PSMD13: variants seen among roughly 807,000 people sequenced by gnomAD.
The protein encoded by PSMD13 is proteasome 26S subunit, non-ATPase 13.
In PSMD13, 8 loss-of-function variants were observed where a neutral mutation model predicts 57.4. The ratio of observed to expected loss-of-function variants is 0.14; its 90% CI spans 0.08 to 0.25. The LOEUF (loss-of-function observed/expected upper bound fraction) is 0.25. Ranked by LOEUF, PSMD13 falls within the 10% of genes least tolerant of loss-of-function variation. The probability of loss-of-function intolerance (pLI) is 1.00; values close to 1 mark genes in which losing one functional copy is unlikely to be tolerated. For missense variants in PSMD13, 400 were observed against 461.5 expected, an observed-to-expected ratio of 0.87 and a Z score of 1.22; for synonymous variants, 193 against 168.2, an observed-to-expected ratio of 1.15 and a Z score of -1.14.
intron 2 of PSMD13, 142 bp downstream of exon 2, chr11:239,218 C>T (rs1859464447): frequency 1.3e-6 from 1 of 771,104 alleles, no homozygotes; most frequent in South Asian, 1.5e-5. Flanking sequence ...GAGCGCTTCA[C>T]ATATCCTTCA....
chr11:248,036 C>T (rs6598058), intron 7 of PSMD13: 75,546 of 151,784 alleles, frequency 0.5, 23,526 homozygotes, highest in East Asian at 0.99. Flanking sequence ...TTGTAGGAAG[C>T]ACCATGACGC....
chr11:252,301 A>G lies in PSMD13; in HGVS notation c.1036-204A>G. ...CCTCTGTCCTTGTCTGCTTTCTTTCATGCAAGTTTTTTCTAACGTTCCTGT... is the reference window on the plus strand; with the variant it reads ...CCTCTGTCCTTGTCTGCTTTCTTTCGTGCAAGTTTTTTCTAACGTTCCTGT... On this transcript the variant is annotated intron_variant, in intron 12 of 12. Coordinates refer to ENST00000532097, the MANE Select transcript of PSMD13 (RefSeq NM_002817.4). The surrounding 1 kb of genome is among the most constrained non-coding windows in gnomAD (Gnocchi z 4.1). 1 of 562,288 alleles carries G rather than the reference A, an allele frequency of 1.8e-6. No homozygotes were observed. The highest frequency in any genetic ancestry group is 3.2e-6 in the Non-Finnish European group (1 of 313,422). 34.8% of individuals were successfully genotyped at this position (562,288 alleles called of 1,614,324 possible). A position where few individuals can be genotyped will look rare whatever the true frequency, so the allele number is the denominator to read the frequency against.
chr11:238,661 ACT>A (rs1859446090), intron 1 of PSMD13, among the ~76,000 whole-genome samples: 1 of 152,112 alleles, frequency 6.6e-6, no homozygotes, highest in African/African-American at 2.4e-5. Context: ...ACAGAGTCAG[ACT>A]CTGTCTCAAA....
intron 2 of PSMD13, among the ~76,000 whole-genome samples, chr11:241,732 TCATTA>T (rs1859520492): frequency 1.3e-5 from 2 of 152,308 alleles, no homozygotes; most frequent in South Asian, 4.1e-4. Context: ...TCATCCATCC[TCATTA>T]CGGTTGCTCC....
chr11:248,372 A>G (rs1471820649), intron 7 of PSMD13, among the ~76,000 whole-genome samples: 1 of 152,230 alleles, frequency 6.6e-6, no homozygotes, highest in Non-Finnish European at 1.5e-5. Context: ...TCGGAAAAGG[A>G]ACTAAGGTGG....
At chr11:243,603 T>C (rs1181298012) in intron 2 of PSMD13, 1 of 382,360 alleles carries the variant, frequency 2.6e-6, no homozygotes, top group South Asian at 2.2e-5. Flanking sequence ...CAAATAAACC[T>C]GTCCTGGTAG....
rs1242499056 is a variant in PSMD13 at position 252,605 on chromosome 11, C to T, written c.*5C>T. On this transcript the variant is annotated 3_prime_UTR_variant, in exon 13 of 13. Coordinates refer to ENST00000532097, the MANE Select transcript of PSMD13 (RefSeq NM_002817.4). This position sits in a 1 kb window ranked among gnomAD's most constrained non-coding sequence, Gnocchi z 4.1. ...GCCCATGACATCCTCACCTAGGGCC[C>T]CCTGGTTCCCCGTCGTGTCTCCTTT... is the stretch of plus-strand genomic sequence containing the variant. The T allele has an allele frequency of 6.2e-7, 1 of 1,613,704 alleles. No homozygotes were observed. Among genetic ancestry groups the T allele is most frequent in the Non-Finnish European group, 8.5e-7 (1 of 1,179,688 alleles).
At chr11:241,430 ACC>A (rs1321181009) in intron 2 of PSMD13, among the ~76,000 whole-genome samples, 2 of 152,190 alleles carry the variant, frequency 1.3e-5, no homozygotes, top group Non-Finnish European at 2.9e-5. Context: ...GAGCCACAGC[ACC>A]GGGACAAAAA....
Position 252,396 on chromosome 11 carries a change from TAG to T in PSMD13, c.1036-104_1036-103del. On this transcript the variant is annotated intron_variant, in intron 12 of 12. Coordinates refer to ENST00000532097, the MANE Select transcript of PSMD13 (RefSeq NM_002817.4). The surrounding 1 kb of genome is among the most constrained non-coding windows in gnomAD (Gnocchi z 4.1). ...GAGGTCCTTTTTACTAGAGCTGCCC[TAG>T]AGAGTTAGCTGGAGATGTAGAGTCA... The T allele has an allele frequency of 9.9e-7, 1 of 1,006,718 alleles. No individual in the cohort carries two copies. The highest frequency in any genetic ancestry group is 2.4e-5 in the East Asian group (1 of 41,666). 62.4% of individuals were successfully genotyped at this position (1,006,718 alleles called of 1,614,324 possible).
chr11:236,995 C>T lies in PSMD13; in HGVS notation c.-55C>T. The T allele has an allele frequency of 6.9e-6, 10 of 1,457,468 alleles. No homozygotes were observed. The highest frequency in any genetic ancestry group is 1.4e-5 in the African/African-American group (1 of 71,644). 90.3% of individuals were successfully genotyped at this position (1,457,468 alleles called of 1,614,324 possible). A position where few individuals can be genotyped will look rare whatever the true frequency, so the allele number is the denominator to read the frequency against. ...GTGAGTGAGCATTTCCGGCAGCCAT[C>T]CCCGCGGTGCTGACATCCCGGTTGT... On this transcript the variant is annotated 5_prime_UTR_variant, in exon 1 of 13. Coordinates refer to ENST00000532097, the MANE Select transcript of PSMD13 (RefSeq NM_002817.4).
chr11:252,698 G>T lies in PSMD13; in HGVS notation c.*98G>T, dbSNP rs1036846460. ...CTCAGACGGTCGACATTGAATTTGGGTGGGGGTTGGGATCCTGTCTGAAGT... is the reference window on the plus strand; with the variant it reads ...CTCAGACGGTCGACATTGAATTTGGTTGGGGGTTGGGATCCTGTCTGAAGT... On this transcript the variant is annotated 3_prime_UTR_variant, in exon 13 of 13. Coordinates refer to ENST00000532097, the MANE Select transcript of PSMD13 (RefSeq NM_002817.4). This position sits in a 1 kb window ranked among gnomAD's most constrained non-coding sequence, Gnocchi z 4.1. 10 of 1,155,928 alleles carry T rather than the reference G, an allele frequency of 8.7e-6. No individual in the cohort carries two copies. In the African/African-American group the frequency reaches 1.1e-4, roughly 12 times the overall value. 71.6% of individuals were successfully genotyped at this position (1,155,928 alleles called of 1,614,324 possible). A position where few individuals can be genotyped will look rare whatever the true frequency, so the allele number is the denominator to read the frequency against.
intron 6 of PSMD13, 149 bp downstream of exon 6, chr11:244,910 AC>A: frequency 1.9e-6 from 1 of 521,796 alleles, no homozygotes; most frequent in Non-Finnish European, 3.3e-6. Context: ...GAACTACTAT[AC>A]CCCAACCTAA....
intron 1 of PSMD13, among the ~76,000 whole-genome samples, chr11:237,773 T>A (rs577035061): frequency 4.8e-4 from 73 of 152,356 alleles, no homozygotes; most frequent in African/African-American, 1.6e-3. Context: ...TTTAGGTTTG[T>A]TTAGAAACAG....
At chr11:244,554 A>G (rs1859591874) in intron 5 of PSMD13, 85 bp downstream of exon 5, 1 of 1,522,910 alleles carries the variant, frequency 6.6e-7, no homozygotes, top group African/African-American at 1.4e-5. Flanking sequence ...CACTGTCCAG[A>G]CCTTTAGAGA....
At chr11:243,342 C>G (rs1043709796) in intron 2 of PSMD13, 3 of 364,060 alleles carry the variant, frequency 8.2e-6, no homozygotes, top group African/African-American at 2.1e-5. Flanking sequence ...TTATTTTTCT[C>G]AAGAAATGCA....
At chr11:244,937 C>A (rs1184019151) in intron 6 of PSMD13, among the ~76,000 whole-genome samples, 176 bp downstream of exon 6, 1 of 148,472 alleles carries the variant, frequency 6.7e-6, no homozygotes, top group Admixed American at 6.9e-5. Context: ...CCATTGCAAA[C>A]CTTTTTTTTT....
intron 6 of PSMD13, 66 bp from the exon 7 acceptor site, chr11:247,211 T>G: frequency 6.7e-7 from 1 of 1,487,042 alleles, no homozygotes; most frequent in Non-Finnish European, 9.0e-7. Flanking sequence ...AGTGAGACCC[T>G]GTCTCTAAAA....
rs1453376505 is a variant in PSMD13 at position 252,799 on chromosome 11, T to C, written c.*199T>C. 7.1e-6 allele frequency: 4 copies of C among 563,006 alleles called. No individual in the cohort carries two copies. In the African/African-American group the frequency reaches 7.5e-5, roughly 11 times the overall value. The allele number at this position is 563,006 out of a possible 1,614,324, so 34.9% of individuals were successfully genotyped here. ...CACAGGGAGGAGGCTTCTTTGTGGG[T>C]CTCTCCTGCAGAGGGTGGGGGTCTC... On this transcript the variant is annotated 3_prime_UTR_variant, in exon 13 of 13. Transcript: ENST00000532097. This position sits in a 1 kb window ranked among gnomAD's most constrained non-coding sequence, Gnocchi z 4.1.
intron 9 of PSMD13, among the ~76,000 whole-genome samples, chr11:249,654 C>T (rs1293303904): frequency 2.0e-5 from 3 of 150,236 alleles, no homozygotes; most frequent in African/African-American, 7.4e-5. Flanking sequence ...ACAGCCAATT[C>T]ACCTCAGTGC....
Sources: allele counts gnomAD v4.1 joint callset (sites outside exome capture counted in the v4.1 genomes callset), GRCh38; gene constraint gnomAD v4.1.1; non-coding constraint Gnocchi (gnomAD v3.1); transcripts MANE v1.5; gene names NCBI Gene and HGNC (gene_info 2026-07-23, HGNC 2026-07-21).